Variants in ATP13A5 observed in about 807,000 individuals in gnomAD.
ATP13A5 encodes the protein ATPase 13A5.
ATP13A5 carries 149 observed loss-of-function variants against 150.2 expected under a neutral mutation model. The observed-to-expected ratio is 0.99, with a 90% CI of 0.87 to 1.14. The LOEUF is 1.14. Among genes scored for constraint, ATP13A5 ranks in the 50% most tolerant of loss-of-function variants. The pLI is 0.00. For synonymous variants in ATP13A5, 497 were observed against 522.2 expected (o/e 0.95, Z 0.66); for missense variants, 1,383 against 1,449.3 (o/e 0.95, Z 0.74).
intron 13 of ATP13A5, among the ~76,000 whole-genome samples, chr3:193,325,482 T>C (rs1230546367): frequency 6.6e-6 from 1 of 152,224 alleles, no homozygotes; most frequent in African/African-American, 2.4e-5. Context: ...TTGCAGGGAC[T>C]TTTTTCATAT....
At chr3:193,331,602 A>G (rs1321956149) in intron 11 of ATP13A5, among the ~76,000 whole-genome samples, 1 of 152,194 alleles carries the variant, frequency 6.6e-6, no homozygotes, top group Non-Finnish European at 1.5e-5. Flanking sequence ...TGATCTCTAG[A>G]TACAGAGCCT....
At chr3:193,377,541 C>T (rs367699485) in intron 1 of ATP13A5, among the ~76,000 whole-genome samples, 3 of 152,260 alleles carry the variant, frequency 2.0e-5, no homozygotes, top group South Asian at 2.1e-4. Context: ...TGTGGACTAG[C>T]TACTTTTCTA....
chr3:193,377,856 A>G, intron 1 of ATP13A5, among the ~76,000 whole-genome samples: 1 of 152,224 alleles, frequency 6.6e-6, no homozygotes, highest in African/African-American at 2.4e-5. Flanking sequence ...TGAACAGCAC[A>G]GGATGTGGAG....
chr3:193,320,038 A>G (rs946985441), intron 16 of ATP13A5, among the ~76,000 whole-genome samples: 20 of 152,362 alleles, frequency 1.3e-4, no homozygotes, highest in African/African-American at 4.8e-4. Context: ...GTGTTTTAGC[A>G]TGGCAATCAC....
At chr3:193,312,039 T>A in intron 19 of ATP13A5, 98 bp from the exon 20 acceptor site, 2 of 1,464,198 alleles carry the variant, frequency 1.4e-6, no homozygotes, top group South Asian at 2.6e-5. Context: ...TGCCTAACAG[T>A]GTGAAGGTCA....
At chr3:193,354,236 G>A in intron 5 of ATP13A5, 40 bp from the exon 6 acceptor site, 2 of 1,573,326 alleles carry the variant, frequency 1.3e-6, no homozygotes, top group Non-Finnish European at 1.7e-6. Context: ...ATAGCTACAA[G>A]CACATGATAA....
intron 9 of ATP13A5, among the ~76,000 whole-genome samples, chr3:193,338,657 G>T (rs1343419633): frequency 6.6e-6 from 1 of 152,108 alleles, no homozygotes; most frequent in Non-Finnish European, 1.5e-5. Context: ...GAGGATTTTT[G>T]CATCGATGTT....
At chr3:193,317,515 A>G (rs559933470) in intron 17 of ATP13A5, among the ~76,000 whole-genome samples, 30 of 152,170 alleles carry the variant, frequency 2.0e-4, no homozygotes, top group Non-Finnish European at 3.4e-4. Context: ...TTGATGGAGT[A>G]TTTATCCTGC....
intron 1 of ATP13A5, among the ~76,000 whole-genome samples, chr3:193,366,413 T>C (rs1034992593): frequency 2.0e-5 from 3 of 152,006 alleles, no homozygotes; most frequent in African/African-American, 7.2e-5. Flanking sequence ...GAAAGTATAC[T>C]GGGCAAACAG....
intron 27 of ATP13A5, among the ~76,000 whole-genome samples, chr3:193,284,596 G>A (rs183315897): frequency 6.6e-6 from 1 of 152,290 alleles, no homozygotes; most frequent in East Asian, 1.9e-4. Context: ...AGGCTAAAGA[G>A]GTTAATTTGC....
chr3:193,335,817 A>C (rs1468132192), intron 9 of ATP13A5, among the ~76,000 whole-genome samples: 1 of 152,208 alleles, frequency 6.6e-6, no homozygotes. Context: ...CAAAAGCTCC[A>C]GCTCAACTAG....
rs770561926 is a variant in ATP13A5 at position 193,307,381 on chromosome 3, A to G, written c.2526-12T>C. 7 of 1,613,444 alleles carry G rather than the reference A, an allele frequency of 4.3e-6. No homozygotes were observed. Among genetic ancestry groups the G allele is most frequent in the East Asian group, 4.5e-5 (2 of 44,866 alleles). Reference sequence around the variant, plus strand: ...TGCCCACATAATAACTGCGGGAGACAGGAGAAGAAGGATTAATAGGTAAGA... The same window carrying G: ...TGCCCACATAATAACTGCGGGAGACGGGAGAAGAAGGATTAATAGGTAAGA... On this transcript the variant is annotated splice_polypyrimidine_tract_variant and intron_variant, in intron 21 of 29. Transcript: ENST00000342358.
chr3:193,301,055 G>A (rs1718378667), intron 24 of ATP13A5, among the ~76,000 whole-genome samples, 156 bp downstream of exon 24: 1 of 152,138 alleles, frequency 6.6e-6, no homozygotes, highest in Non-Finnish European at 1.5e-5. Context: ...CACATTTCAT[G>A]CACAGTTACA....
Position 193,333,736 on chromosome 3 carries a change from C to T in ATP13A5, c.1272+14G>A, listed in dbSNP as rs780183259. The T allele has an allele frequency of 6.2e-7, 1 of 1,610,448 alleles. No individual in the cohort carries two copies. The highest frequency in any genetic ancestry group is 8.5e-7 in the Non-Finnish European group (1 of 1,178,102). On this transcript the variant is annotated intron_variant, in intron 11 of 29. Coordinates refer to ENST00000342358, the MANE Select transcript of ATP13A5 (RefSeq NM_198505.4). ...GAATCTATACTATTGAAAAGCCTTA[C>T]CCCCAGTACTTACTCCATGGTACAT...
At chr3:193,307,531 C>T in intron 21 of ATP13A5, 162 bp from the exon 22 acceptor site, 1 of 788,054 alleles carries the variant, frequency 1.3e-6, no homozygotes, top group Non-Finnish European at 2.1e-6. Flanking sequence ...GAGACATATT[C>T]CCAGAGGGAA....
At chr3:193,339,325 T>G (rs1712023991) in intron 9 of ATP13A5, among the ~76,000 whole-genome samples, 1 of 152,198 alleles carries the variant, frequency 6.6e-6, no homozygotes, top group South Asian at 2.1e-4. Flanking sequence ...AATTGTGATG[T>G]TAGGGTGTCA....
At chr3:193,278,677 A>G (rs1418857094) in intron 28 of ATP13A5, among the ~76,000 whole-genome samples, 2 of 152,132 alleles carry the variant, frequency 1.3e-5, no homozygotes, top group African/African-American at 4.8e-5. Context: ...AATGCCTCCC[A>G]TGACAGCCAC....
At chr3:193,289,306 C>A (rs1717851184) in intron 26 of ATP13A5, among the ~76,000 whole-genome samples, 1 of 152,100 alleles carries the variant, frequency 6.6e-6, no homozygotes, top group Non-Finnish European at 1.5e-5. Context: ...CCAATTCAAT[C>A]AGAACAAGGA....
chr3:193,300,590 G>A (rs1307047932), intron 24 of ATP13A5, among the ~76,000 whole-genome samples: 1 of 152,118 alleles, frequency 6.6e-6, no homozygotes, highest in Non-Finnish European at 1.5e-5. Flanking sequence ...TTTTACTGTA[G>A]TACAAGCTAT....
Sources: allele counts gnomAD v4.1 joint callset (sites outside exome capture counted in the v4.1 genomes callset), GRCh38; gene constraint gnomAD v4.1.1; transcripts MANE v1.5; gene names NCBI Gene and HGNC (gene_info 2026-07-23, HGNC 2026-07-21).